Variants in MYO5C observed in about 807,000 individuals in gnomAD.
MYO5C encodes myosin VC.
A neutral mutation model predicts 235.7 loss-of-function variants in MYO5C; 194 were observed. The observed-to-expected ratio is 0.82, with a 90% CI of 0.73 to 0.93. The LOEUF is 0.93. Among genes scored for constraint, MYO5C ranks in the 40% least tolerant of loss-of-function variants. The pLI, the probability that MYO5C is intolerant of heterozygous loss-of-function variation, is 0.00. For synonymous variants in MYO5C, 707 were observed against 754.8 expected (o/e 0.94, Z 1.04); for missense variants, 2,038 against 2,127.2 (o/e 0.96, Z 0.82).
Position 52,221,175 on chromosome 15 carries a change from A to G in MYO5C, c.3708T>C (p.Ala1236=), listed in dbSNP as rs372988411. ...QDLEIRLNEQ[A]EKMKGKLEEL... ...GGTTTCAGTTACCTTTCATTTTCTC[A>G]GCTTGTTCATTCAGGCGGATTTCAA... is the stretch of plus-strand genomic sequence containing the variant. The change falls in exon 30 of 41, where the codon GCT becomes GCC. Residue 1236 remains alanine, a synonymous_variant. Transcript: ENST00000261839. The G allele has an allele frequency of 1.3e-4, 205 of 1,611,028 alleles. 2 individuals are homozygous for G. The highest frequency in any genetic ancestry group is 3.2e-4 in the South Asian group (29 of 90,096).
At chr15:52,225,642 C>T (rs1443214328) in intron 25 of MYO5C, 110 bp from the exon 26 acceptor site, 2 of 752,464 alleles carry the variant, frequency 2.7e-6, no homozygotes, top group Non-Finnish European at 4.7e-6. Context: ...GACATCCTCA[C>T]TGCAGTTTCT....
chr15:52,194,440 C>T (rs1203734145), intron 40 of MYO5C, among the ~76,000 whole-genome samples: 1 of 152,188 alleles, frequency 6.6e-6, no homozygotes, highest in Non-Finnish European at 1.5e-5. Context: ...TTTTTGGTCT[C>T]AGGACCGCTT....
intron 13 of MYO5C, chr15:52,250,936 A>C (rs1389333296): frequency 6.6e-6 from 1 of 152,400 alleles, no homozygotes; most frequent in African/African-American, 2.4e-5. Context: ...GAGACGTATA[A>C]AGAAAAAGAA....
intron 11 of MYO5C, among the ~76,000 whole-genome samples, chr15:52,254,585 T>C (rs1006592113): frequency 1.3e-5 from 2 of 151,682 alleles, no homozygotes; most frequent in South Asian, 2.1e-4. Flanking sequence ...GTGCTGACAA[T>C]TGAAGATACT....
At chr15:52,249,690 G>A (rs2036431315) in intron 13 of MYO5C, among the ~76,000 whole-genome samples, 2 of 152,160 alleles carry the variant, frequency 1.3e-5, no homozygotes, top group African/African-American at 4.8e-5. Flanking sequence ...ATGGTGGTGT[G>A]AGCCACTAGG....
At chr15:52,257,555 T>G (rs2036609932) in intron 10 of MYO5C, among the ~76,000 whole-genome samples, 1 of 152,172 alleles carries the variant, frequency 6.6e-6, no homozygotes, top group African/African-American at 2.4e-5. Flanking sequence ...AGGCACCAAA[T>G]TTACCACCTG....
At chr15:52,276,084 C>A (rs1229732597) in intron 4 of MYO5C, among the ~76,000 whole-genome samples, 1 of 152,158 alleles carries the variant, frequency 6.6e-6, no homozygotes, top group African/African-American at 2.4e-5. Flanking sequence ...CTGCCTTCCC[C>A]ACCCTCTCCT....
At chr15:52,263,323 C>T (rs1007241091) in intron 9 of MYO5C, among the ~76,000 whole-genome samples, 3 of 152,140 alleles carry the variant, frequency 2.0e-5, no homozygotes, top group African/African-American at 7.2e-5. Flanking sequence ...CATACCCCTC[C>T]CCCAAGAATC....
chr15:52,284,157 T>C (rs964662128), intron 1 of MYO5C, among the ~76,000 whole-genome samples: 43 of 152,112 alleles, frequency 2.8e-4, no homozygotes, highest in African/African-American at 1.0e-3. Flanking sequence ...ATAGTAACTT[T>C]ATTTATAGTG....
In MYO5C at chr15:52,225,115, G is replaced by A; in HGVS notation, c.3325C>T (p.Gln1109Ter). The change falls in exon 27 of 41, where the codon CAA (glutamine) becomes TAA (stop). Residue 1109 changes from glutamine to a stop codon, truncating the protein, a stop_gained. Transcript: ENST00000261839. LOFTEE classifies it high-confidence loss of function. Reference protein sequence around the residue: ...MREKMSEITKQLLESYDIEDV... With the variant: ...MREKMSEITK ...TCAATGTCATAGCTTTCGAGAAGTT[G>A]TTTGGTGATCTCTGACATCTTTTCT... is the stretch of plus-strand genomic sequence containing the variant. 1 of 1,614,066 alleles carries A rather than the reference G, an allele frequency of 6.2e-7. No individual in the cohort carries two copies. Among genetic ancestry groups the A allele is most frequent in the Non-Finnish European group, 8.5e-7 (1 of 1,179,996 alleles).
chr15:52,251,358 G>A, intron 13 of MYO5C, 32 bp downstream of exon 13: 1 of 1,565,704 alleles, frequency 6.4e-7, no homozygotes, highest in South Asian at 1.2e-5. Flanking sequence ...AGGTTCCGGG[G>A]TTGACAGCAT....
chr15:52,197,994 C>T (rs911590647), intron 38 of MYO5C, among the ~76,000 whole-genome samples: 1 of 152,086 alleles, frequency 6.6e-6, no homozygotes, highest in African/African-American at 2.4e-5. Flanking sequence ...ACCAATGAAA[C>T]TGCTAAAAAA....
intron 35 of MYO5C, among the ~76,000 whole-genome samples, chr15:52,210,397 A>G (rs919631753): frequency 2.6e-5 from 4 of 152,224 alleles, no homozygotes; most frequent in African/African-American, 7.2e-5. Context: ...TCTCTTTTGG[A>G]GGGGCATGGA....
intron 20 of MYO5C, 106 bp downstream of exon 20, chr15:52,241,942 T>C (rs926196649): frequency 7.7e-7 from 1 of 1,291,034 alleles, no homozygotes; most frequent in South Asian, 1.5e-5. Flanking sequence ...TGACACTTTG[T>C]ACAAAGTGAG....
chr15:52,218,292 T>G (rs1349256301), intron 32 of MYO5C, among the ~76,000 whole-genome samples: 1 of 152,138 alleles, frequency 6.6e-6, no homozygotes, highest in African/African-American at 2.4e-5. Context: ...GGCCTGCACC[T>G]CTCTGTCTCT....
chr15:52,261,306 AG>A (rs2036690479), intron 9 of MYO5C, among the ~76,000 whole-genome samples, 179 bp from the exon 10 acceptor site: 1 of 152,372 alleles, frequency 6.6e-6, no homozygotes, highest in African/African-American at 2.4e-5. Flanking sequence ...AGGGGGCTAC[AG>A]CAGCACGGGT....
chr15:52,288,915 C>G lies in MYO5C; in HGVS notation c.28-6023G>C, dbSNP rs149724281. On this transcript the variant is annotated intron_variant, in intron 1 of 40. Coordinates refer to ENST00000261839, the MANE Select transcript of MYO5C (RefSeq NM_018728.4). ...GCTCAAGACCATGCCAGCCACCCCC[C>G]CAAGGCACACAGGTGAGATGAGAAC... 7.9e-4 allele frequency among the ~76,000 whole-genome samples: 120 copies of G among 152,318 alleles called. 4 individuals are homozygous for G. Among genetic ancestry groups the G allele is most frequent in the African/African-American group, 2.6e-3 (108 of 41,552 alleles).
intron 8 of MYO5C, among the ~76,000 whole-genome samples, chr15:52,269,198 T>A (rs2036869222): frequency 6.6e-6 from 1 of 152,192 alleles, no homozygotes; most frequent in Admixed American, 6.5e-5. Context: ...TCACAGGGCT[T>A]GCAGCCCATG....
intron 33 of MYO5C, among the ~76,000 whole-genome samples, chr15:52,214,161 G>A (rs2035505756): frequency 6.6e-6 from 1 of 152,146 alleles, no homozygotes. Flanking sequence ...TTTCACAGAG[G>A]CTCACGAGGA....
Sources: gnomAD v4.1 joint callset for allele counts (sites outside exome capture counted in the v4.1 genomes callset) on GRCh38, gnomAD v4.1.1 for gene constraint, MANE v1.5 for transcripts, NCBI Gene and HGNC (gene_info 2026-07-23, HGNC 2026-07-21) for gene names.